PTPRT: variants seen among roughly 807,000 people sequenced by gnomAD.
The protein encoded by PTPRT is receptor-type tyrosine-protein phosphatase T.
PTPRT carries 56 observed loss-of-function variants against 176.8 expected under a neutral mutation model. The observed-to-expected ratio is 0.32, with a 90% CI of 0.26 to 0.40. The LOEUF (loss-of-function observed/expected upper bound fraction) is 0.40. Ranked by LOEUF, PTPRT falls within the 10% of genes least tolerant of loss-of-function variation. PTPRT has a pLI of 1.00. For synonymous variants in PTPRT, 783 were observed against 739.0 expected (o/e 1.06, Z -0.96); for missense variants, 1,540 against 1,908.2 (o/e 0.81, Z 3.60).
chr20:42,790,492 C>T (rs1471404514), intron 3 of PTPRT, among the ~76,000 whole-genome samples: 1 of 152,040 alleles, frequency 6.6e-6, no homozygotes, highest in African/African-American at 2.4e-5. Context: ...GTATGAGCAG[C>T]ACTGCTTTAA....
At chr20:42,623,135 C>A (rs1244949442) in intron 7 of PTPRT, among the ~76,000 whole-genome samples, 1 of 152,266 alleles carries the variant, frequency 6.6e-6, no homozygotes, top group African/African-American at 2.4e-5. Context: ...CCCACATTCA[C>A]TCTTTAAGTC....
chr20:42,838,901 C>T (rs570129765), intron 2 of PTPRT, among the ~76,000 whole-genome samples: 2 of 152,206 alleles, frequency 1.3e-5, no homozygotes, highest in South Asian at 4.1e-4. Context: ...TATATAGGAA[C>T]CTGTGCTTGG....
chr20:43,181,569 T>C (rs1035083626), intron 1 of PTPRT, among the ~76,000 whole-genome samples: 1 of 152,198 alleles, frequency 6.6e-6, no homozygotes, highest in Non-Finnish European at 1.5e-5. Flanking sequence ...CAAAATTCTT[T>C]TTAATTAGAT....
At chr20:42,833,999 A>G (rs2078138294) in intron 2 of PTPRT, among the ~76,000 whole-genome samples, 1 of 152,202 alleles carries the variant, frequency 6.6e-6, no homozygotes, top group African/African-American at 2.4e-5. Flanking sequence ...CCATAAAAGT[A>G]AAAAACTGAT....
intron 15 of PTPRT, among the ~76,000 whole-genome samples, chr20:42,235,299 G>A (rs1337799301): frequency 6.6e-6 from 1 of 151,740 alleles, no homozygotes; most frequent in African/African-American, 2.4e-5. Flanking sequence ...TTTTGCTCTT[G>A]TTGCCCAGGC....
chr20:42,366,581 A>G (rs747217193), intron 9 of PTPRT, among the ~76,000 whole-genome samples: 2 of 152,206 alleles, frequency 1.3e-5, no homozygotes, highest in Non-Finnish European at 2.9e-5. Flanking sequence ...TGAGTGAGAC[A>G]TGCCCCTACA....
At position 42,110,411 on chromosome 20, in the gene PTPRT, G is replaced by A. The variant is rs374135283; in HGVS notation, c.3176C>T (p.Ala1059Val). The A allele has an allele frequency of 2.5e-6, 4 of 1,612,660 alleles. No homozygotes were observed. Among genetic ancestry groups the A allele is most frequent in the African/African-American group, 1.3e-5 (1 of 74,916 alleles). Residue 1059 changes from alanine to valine, a missense_variant, in exon 23 of 31, where the codon GCC becomes GTC. By Grantham distance (64) the Ala-to-Val change is moderately conservative. Around this residue, in one of 11 missense-constraint regions of PTPRT, gnomAD observed 248 missense variants for 356.7 expected, o/e 0.70. Transcript: ENST00000373187. ...SWPDHGVPCYATGLLGFVRQV... is the reference protein window; with the variant it reads ...SWPDHGVPCYVTGLLGFVRQV... ...GCGGACGAAGCCCAGAAGGCCAGTG[G>A]CATAGCAGGGAACGCCGTGGTCAGG...
intron 15 of PTPRT, among the ~76,000 whole-genome samples, chr20:42,221,809 A>G (rs1215110363): frequency 2.6e-5 from 4 of 152,066 alleles, no homozygotes; most frequent in African/African-American, 9.7e-5. Context: ...GTGAGCCACC[A>G]CACCTGGCCA....
intron 11 of PTPRT, among the ~76,000 whole-genome samples, chr20:42,321,436 G>T (rs924461058): frequency 6.6e-6 from 1 of 152,062 alleles, no homozygotes; most frequent in Non-Finnish European, 1.5e-5. Context: ...ATGTTTATAC[G>T]CTTGCCCTTA....
intron 1 of PTPRT, among the ~76,000 whole-genome samples, chr20:42,925,121 T>C (rs1266380190): frequency 6.6e-6 from 1 of 152,254 alleles, no homozygotes; most frequent in Non-Finnish European, 1.5e-5. Context: ...GCACAGTCTT[T>C]GCAGAAATGC....
At chr20:42,116,767 G>T (rs900805578) in intron 21 of PTPRT, among the ~76,000 whole-genome samples, 3 of 152,178 alleles carry the variant, frequency 2.0e-5, no homozygotes, top group Non-Finnish European at 4.4e-5. Context: ...GTAGGTTTCG[G>T]TAATGCACAA....
chr20:42,913,307 G>A (rs1300886699), intron 1 of PTPRT, among the ~76,000 whole-genome samples: 1 of 152,184 alleles, frequency 6.6e-6, no homozygotes, highest in Non-Finnish European at 1.5e-5. Flanking sequence ...CCCCTTCTGA[G>A]GGAGAAGAGG....
intron 7 of PTPRT, among the ~76,000 whole-genome samples, chr20:42,579,269 T>C (rs2073327186): frequency 6.6e-6 from 1 of 152,126 alleles, no homozygotes; most frequent in African/African-American, 2.4e-5. Flanking sequence ...TAGTATTCCA[T>C]GGTGTATATG....
At chr20:42,242,749 C>G (rs1005387395) in intron 14 of PTPRT, among the ~76,000 whole-genome samples, 2 of 152,182 alleles carry the variant, frequency 1.3e-5, no homozygotes, top group Non-Finnish European at 2.9e-5. Flanking sequence ...TCCATATGGG[C>G]AGGGAGACAG....
intron 15 of PTPRT, among the ~76,000 whole-genome samples, chr20:42,224,207 C>A (rs979121753): frequency 2.6e-5 from 4 of 152,174 alleles, no homozygotes; most frequent in Non-Finnish European, 5.9e-5. Context: ...GGCTTCTGAA[C>A]ACACATTTCT....
At chr20:42,201,730 CAAAAA>C (rs57007206) in intron 15 of PTPRT, among the ~76,000 whole-genome samples, 5 of 74,044 alleles carry the variant, frequency 6.8e-5, no homozygotes, top group Admixed American at 1.7e-4. Flanking sequence ...GAACCAGAGG[CAAAAA>C]AAAAAAAAAA....
intron 7 of PTPRT, among the ~76,000 whole-genome samples, chr20:42,493,168 C>A (rs1480448206): frequency 6.6e-6 from 1 of 152,186 alleles, no homozygotes; most frequent in African/African-American, 2.4e-5. Flanking sequence ...CTTACACTTA[C>A]AAGTCACAAA....
At chr20:42,201,662 A>G (rs1180628398) in intron 15 of PTPRT, among the ~76,000 whole-genome samples, 1 of 151,082 alleles carries the variant, frequency 6.6e-6, no homozygotes, top group African/African-American at 2.4e-5. Context: ...TACCCTGAAC[A>G]GAAGCAGCGG....
At chr20:42,663,381 C>T (rs1193683110) in intron 7 of PTPRT, among the ~76,000 whole-genome samples, 4 of 152,140 alleles carry the variant, frequency 2.6e-5, no homozygotes, top group African/African-American at 7.2e-5. Context: ...CTGGGCAGGA[C>T]GGCAATGCGA....
Sources: gnomAD v4.1 joint callset for allele counts (sites outside exome capture counted in the v4.1 genomes callset) on GRCh38, gnomAD v4.1.1 for gene constraint, gnomAD v4.1.1 regional missense constraint, MANE v1.5 for transcripts, NCBI Gene and HGNC (gene_info 2026-07-23, HGNC 2026-07-21) for gene names.